FBXL22: variants seen among roughly 807,000 people sequenced by gnomAD.
FBXL22 encodes the protein F-box and leucine rich repeat protein 22, also known as F-box and leucine-rich protein 22.
Under a neutral mutation model 11.7 loss-of-function variants are expected in FBXL22, and 13 were observed. That is an observed-to-expected ratio of 1.11 (90% confidence interval 0.73 to 1.77). The LOEUF is 1.77. FBXL22 is among the 40% of genes most tolerant of loss of function. FBXL22 has a pLI of 0.00. For missense variants in FBXL22, 406 were observed against 320.4 expected (o/e 1.27, Z -2.04); for synonymous variants, 160 against 144.1 (o/e 1.11, Z -0.79).
At chr15:63,608,132 C>T in the FBXL22 span, among the ~76,000 whole-genome samples, 1 of 152,216 alleles carries the variant, frequency 6.6e-6, no homozygotes. Context: ...TCTGTAACAC[C>T]TTCCACTTGG....
downstream of FBXL22, among the ~76,000 whole-genome samples, chr15:63,604,217 A>G (rs2067402735): frequency 6.6e-6 from 1 of 152,174 alleles, no homozygotes; most frequent in African/African-American, 2.4e-5. Flanking sequence ...AGTACTAAGG[A>G]TAACAAGGGA....
chr15:63,601,794 G>A, downstream of FBXL22: 6 of 1,372,860 alleles, frequency 4.4e-6, no homozygotes, highest in Non-Finnish European at 5.7e-6. Flanking sequence ...GAAATGATTT[G>A]GAAGAAAAAA....
the FBXL22 span, among the ~76,000 whole-genome samples, chr15:63,608,343 G>A: frequency 6.6e-6 from 1 of 152,228 alleles, no homozygotes; most frequent in Non-Finnish European, 1.5e-5. Context: ...GAGGGGCGGA[G>A]CAGCTGAGGG....
intron 1 of FBXL22, chr15:63,599,304 C>T: frequency 6.8e-7 from 1 of 1,479,774 alleles, no homozygotes; most frequent in Non-Finnish European, 8.9e-7. Context: ...TGTTTTTTCC[C>T]TGTATCAGAA....
chr15:63,599,685 C>T, intron 1 of FBXL22: 1 of 986,930 alleles, frequency 1.0e-6, no homozygotes, highest in Non-Finnish European at 1.2e-6. Context: ...GGGGCAGTCA[C>T]GGAGCTGCGG....
At chr15:63,606,466 A>C (rs2067413439), downstream of FBXL22, among the ~76,000 whole-genome samples, 1 of 152,224 alleles carries the variant, frequency 6.6e-6, no homozygotes, top group Non-Finnish European at 1.5e-5. Context: ...AGCCTCTCTA[A>C]GAGCTGAAAG....
rs2067353746 is a variant in FBXL22 at position 63,600,720 on chromosome 15, C to G, written c.377C>G (p.Thr126Arg). Residue 126 changes from threonine (T) to arginine (R), a missense_variant, in exon 2 of 2, where the codon ACG (threonine) becomes AGG (arginine). Transcript: ENST00000638704. ...CDRCPNLASVTLSGCGHVTDD... is the reference protein window; with the variant it reads ...CDRCPNLASVRLSGCGHVTDD... ...AGGTGCCCCAACCTGGCGTCCGTCA[C>G]GCTCTCGGGCTGCGGCCACGTTACC... is the stretch of plus-strand genomic sequence containing the variant. 2.4e-6 allele frequency: 3 copies of G among 1,231,412 alleles called. No homozygotes were observed. In the South Asian group the frequency reaches 1.2e-4, roughly 51 times the overall value. 76.3% of individuals were successfully genotyped at this position (1,231,412 alleles called of 1,614,324 possible).
Position 63,597,799 on chromosome 15 carries a change from C to CT in FBXL22, c.353+56dup. Reference sequence around the variant, plus strand: ...TGGCCCCGCTAGCTCTGGCTTCCCTCTTGGGGGGCAGGGAAGAGCAAATTA... The same window carrying CT: ...TGGCCCCGCTAGCTCTGGCTTCCCTCTTTGGGGGGCAGGGAAGAGCAAATTA... On this transcript the variant is annotated intron_variant, in intron 1 of 1. Coordinates refer to ENST00000638704, the MANE Select transcript of FBXL22 (RefSeq NM_001367807.1). This position sits in a 1 kb window ranked among gnomAD's most constrained non-coding sequence, Gnocchi z 4.3. 1.3e-6 allele frequency: 2 copies of CT among 1,490,290 alleles called. No individual in the cohort carries two copies. The highest frequency in any genetic ancestry group is 9.0e-7 in the Non-Finnish European group (1 of 1,112,824). 92.3% of individuals were successfully genotyped at this position (1,490,290 alleles called of 1,614,324 possible).
chr15:63,601,417 T>G (rs1453176397), downstream of FBXL22: 1 of 1,591,788 alleles, frequency 6.3e-7, no homozygotes, highest in African/African-American at 1.3e-5. Flanking sequence ...GTTCGCCGAC[T>G]TGCGCTCGGG....
chr15:63,604,362 A>G (rs996639659), downstream of FBXL22, among the ~76,000 whole-genome samples: 1 of 152,162 alleles, frequency 6.6e-6, no homozygotes, highest in Non-Finnish European at 1.5e-5. Context: ...GTAAGGGTTA[A>G]GTTCCCAGTT....
At chr15:63,605,846 G>A (rs541738589), downstream of FBXL22, among the ~76,000 whole-genome samples, 2 of 152,344 alleles carry the variant, frequency 1.3e-5, no homozygotes, top group African/African-American at 4.8e-5. Flanking sequence ...CCTGGCTGAA[G>A]GCTGACCTGT....
At chr15:63,601,685 G>A (rs778754321), downstream of FBXL22, 2 of 1,604,108 alleles carry the variant, frequency 1.2e-6, no homozygotes, top group Non-Finnish European at 1.7e-6. Flanking sequence ...TTCCCGCAGT[G>A]ACCGCACTCG....
intron 1 of FBXL22, chr15:63,599,017 G>A: frequency 3.1e-6 from 2 of 636,182 alleles, no homozygotes; most frequent in Non-Finnish European, 2.8e-6. Context: ...GTCACATAAA[G>A]AGCAAAGGGC....
chr15:63,600,088 C>G lies in FBXL22; in HGVS notation c.354-609C>G, dbSNP rs1595795504. ...GTACCTGCTCAGGGCTTGCCTCTAGCTGCCTCCGAACCCTACCCTTTTCCA... is the reference window on the plus strand; with the variant it reads ...GTACCTGCTCAGGGCTTGCCTCTAGGTGCCTCCGAACCCTACCCTTTTCCA... On this transcript the variant is annotated intron_variant, in intron 1 of 1. Coordinates refer to ENST00000638704, the MANE Select transcript of FBXL22 (RefSeq NM_001367807.1). 4 of 985,770 alleles carry G rather than the reference C, an allele frequency of 4.1e-6. 1 individual carries two copies. The African/African-American group carries it at 7.0e-5, about 17-fold the overall frequency. 61.1% of individuals were successfully genotyped at this position (985,770 alleles called of 1,614,324 possible). A position where few individuals can be genotyped will look rare whatever the true frequency, so the allele number is the denominator to read the frequency against.
At chr15:63,606,983 G>C (rs1359468044), downstream of FBXL22, among the ~76,000 whole-genome samples, 1 of 151,980 alleles carries the variant, frequency 6.6e-6, no homozygotes, top group African/African-American at 2.4e-5. Context: ...CTCAGCAAGA[G>C]GGACGCAGGA....
chr15:63,605,773 G>C (rs1285671268), downstream of FBXL22, among the ~76,000 whole-genome samples: 1 of 152,244 alleles, frequency 6.6e-6, no homozygotes, highest in African/African-American at 2.4e-5. Context: ...GCAGCGAATG[G>C]TCACTTGCAG....
At position 63,600,987 on chromosome 15, in the gene FBXL22, CCCCGCGCCCGCGCGCGCCCGCCGCGG is replaced by C; in HGVS notation, c.648_673del (p.Pro218GlnfsTer62). 1 of 1,191,322 alleles carries C rather than the reference CCCCGCGCCCGCGCGCGCCCGCCGCGG, an allele frequency of 8.4e-7. No individual in the cohort carries two copies. The highest frequency in any genetic ancestry group is 1.0e-6 in the Non-Finnish European group (1 of 962,382). 73.8% of individuals were successfully genotyped at this position (1,191,322 alleles called of 1,614,324 possible). ...AGCGCCGCCATGCTGCCCGACCAGC[CCCCGCGCCCGCGCGCGCCCGCCGCGG>C]CCCTCGGCAAGCTGCTGCAGCGCTA... On this transcript the variant is annotated frameshift_variant, in exon 2 of 2. Transcript: ENST00000638704. LOFTEE classifies it high-confidence loss of function.
chr15:63,605,523 G>C (rs1397578393), downstream of FBXL22, among the ~76,000 whole-genome samples: 2 of 152,184 alleles, frequency 1.3e-5, no homozygotes, highest in Non-Finnish European at 2.9e-5. Context: ...TTTTGAGCTG[G>C]GCCACAGGTT....
downstream of FBXL22, chr15:63,602,322 C>T (rs2067383778): frequency 6.6e-6 from 1 of 152,222 alleles, no homozygotes; most frequent in Non-Finnish European, 1.5e-5. Flanking sequence ...TGGCTCAATG[C>T]CTGTAATCCC....
Sources: gnomAD v4.1 joint callset for allele counts (sites outside exome capture counted in the v4.1 genomes callset) on GRCh38, gnomAD v4.1.1 for gene constraint, Gnocchi (gnomAD v3.1) non-coding constraint, MANE v1.5 for transcripts, NCBI Gene and HGNC (gene_info 2026-07-23, HGNC 2026-07-21) for gene names.